CDH18: variants seen among roughly 807,000 people sequenced by gnomAD.
CDH18 encodes the protein cadherin 18, also known as cadherin-18.
CDH18 carries 31 observed loss-of-function variants against 67.9 expected under a neutral mutation model. The observed-to-expected ratio is 0.46, with a 90% CI of 0.34 to 0.62. The LOEUF is 0.62. Ranked by LOEUF, CDH18 falls within the 20% of genes least tolerant of loss-of-function variation. CDH18 has a pLI of 0.01. For synonymous variants in CDH18, 362 were observed against 347.2 expected, an observed-to-expected ratio of 1.04 and a Z score of -0.48; for missense variants, 890 against 975.5, an observed-to-expected ratio of 0.91 and a Z score of 1.17.
chr5:20,098,440 C>T (rs1026728750), intron 2 of CDH18, among the ~76,000 whole-genome samples: 1 of 152,020 alleles, frequency 6.6e-6, no homozygotes, highest in Non-Finnish European at 1.5e-5. Context: ...AGAAATTGTT[C>T]ATCTTATTAC....
chr5:19,623,631 T>C (rs1326777960), intron 5 of CDH18, among the ~76,000 whole-genome samples: 1 of 152,012 alleles, frequency 6.6e-6, no homozygotes, highest in East Asian at 1.9e-4. Flanking sequence ...GTTCAAAAGA[T>C]GAGATGCTTT....
intron 6 of CDH18, among the ~76,000 whole-genome samples, chr5:19,604,439 C>T (rs1747689748): frequency 6.6e-6 from 1 of 151,648 alleles, no homozygotes; most frequent in African/African-American, 2.4e-5. Flanking sequence ...GCCTGTCTTT[C>T]CTGATAAAAT....
At chr5:19,658,333 T>C (rs1756689310) in intron 5 of CDH18, among the ~76,000 whole-genome samples, 2 of 152,166 alleles carry the variant, frequency 1.3e-5, no homozygotes, top group Admixed American at 6.6e-5. Context: ...AATGATGACT[T>C]ACTGCAACAT....
intron 12 of CDH18, among the ~76,000 whole-genome samples, chr5:19,479,817 G>T (rs549381740): frequency 6.6e-6 from 1 of 152,112 alleles, no homozygotes; most frequent in Non-Finnish European, 1.5e-5. Context: ...CAGCATATTT[G>T]AGTTTCAACT....
chr5:20,570,069 A>G (rs1455545746), intron 1 of CDH18, among the ~76,000 whole-genome samples: 1 of 152,186 alleles, frequency 6.6e-6, no homozygotes, highest in Non-Finnish European at 1.5e-5. Context: ...TTGAATGGCA[A>G]TGAAAATGTT....
chr5:20,432,098 C>A (rs1297252855), intron 1 of CDH18, among the ~76,000 whole-genome samples: 1 of 152,020 alleles, frequency 6.6e-6, no homozygotes, highest in Non-Finnish European at 1.5e-5. Context: ...GATCAAAAAT[C>A]TCTGTGACAA....
chr5:20,015,245 TTTA>T (rs1737781385), intron 2 of CDH18, among the ~76,000 whole-genome samples: 1 of 152,058 alleles, frequency 6.6e-6, no homozygotes, highest in African/African-American at 2.4e-5. Context: ...AGGTCCCACG[TTTA>T]TTAAAAGTGT....
chr5:20,199,868 C>T (rs930511690), intron 2 of CDH18, among the ~76,000 whole-genome samples: 1 of 152,130 alleles, frequency 6.6e-6, no homozygotes, highest in African/African-American at 2.4e-5. Context: ...TGGCATTTCC[C>T]CTGCTGGCAT....
rs138549751 is a variant in CDH18, at chr5:20,308,308, C to G, written c.-579-52803G>C. On this transcript the variant is annotated intron_variant, in intron 1 of 14. Transcript: ENST00000507958. ...CTGTAATCCCAGCACTTTGGGAGGC[C>G]GAGGTGGGTAGATTGCCTGAGCTCA... Among the ~76,000 whole-genome samples the G allele has an allele frequency of 2.6e-5, 4 of 151,786 alleles. No individual in the cohort carries two copies. The East Asian group carries it at 7.8e-4, about 29-fold the overall frequency.
intron 9 of CDH18, among the ~76,000 whole-genome samples, chr5:19,534,588 A>T (rs568059294): frequency 6.6e-6 from 1 of 152,194 alleles, no homozygotes; most frequent in Non-Finnish European, 1.5e-5. Flanking sequence ...ACATGAGCCA[A>T]TAAATCTCTT....
chr5:20,029,282 C>A (rs900299064), intron 2 of CDH18, among the ~76,000 whole-genome samples: 2 of 151,998 alleles, frequency 1.3e-5, no homozygotes, highest in African/African-American at 4.8e-5. Context: ...AGAGATTCTT[C>A]GTGGTCAGAA....
At chr5:19,756,323 A>G (rs1042075991) in intron 3 of CDH18, among the ~76,000 whole-genome samples, 2 of 152,250 alleles carry the variant, frequency 1.3e-5, no homozygotes, top group African/African-American at 2.4e-5. Context: ...ACTCATGACA[A>G]TTACAGTCCC....
intron 1 of CDH18, among the ~76,000 whole-genome samples, chr5:20,509,408 T>TTC (rs1754877908): frequency 2.7e-5 from 1 of 36,458 alleles, no homozygotes; most frequent in African/African-American, 8.5e-5. Context: ...AGGATTTCCC[T>TTC]TTTTTTTTTT....
chr5:20,444,751 C>T (rs1218127291), intron 1 of CDH18, among the ~76,000 whole-genome samples: 1 of 150,974 alleles, frequency 6.6e-6, no homozygotes, highest in East Asian at 1.9e-4. Flanking sequence ...CATCTGAATC[C>T]TATGTAATGT....
rs149766732 is a variant in CDH18, at chr5:20,343,433, T to A, written c.-579-87928A>T. 7.3e-3 allele frequency among the ~76,000 whole-genome samples: 1,114 copies of A among 152,282 alleles called. 11 individuals are homozygous for A. The highest frequency in any genetic ancestry group is 0.025 in the African/African-American group (1,050 of 41,558). On this transcript the variant is annotated intron_variant, in intron 1 of 14. Coordinates refer to the CDH18 transcript ENST00000507958. The stretch of plus-strand genomic sequence containing the variant: ...AATCCCTTGAATGAAGGGAATGCCA[T>A]GTCCCCCTGAGGAAGGACCCCATTA...
rs540697457 is a variant in CDH18 at position 20,132,727 on chromosome 5, G to T, written c.-518+122717C>A. On this transcript the variant is annotated intron_variant, in intron 2 of 14. Transcript: ENST00000507958. ...TAGCACTAAGTAGCCTCAAGTGTAG[G>T]TCATTCCAGAATATTCCAAATTCCT... is the stretch of plus-strand genomic sequence containing the variant. Among the ~76,000 whole-genome samples the T allele has an allele frequency of 3.9e-5, 6 of 151,940 alleles. No individual in the cohort carries two copies. In the East Asian group the frequency reaches 1.2e-3, roughly 30 times the overall value.
At position 20,565,804 on chromosome 5, in the gene CDH18, T is replaced by C. The variant is rs148960438; in HGVS notation, c.-580+9658A>G. Among the ~76,000 whole-genome samples the C allele has an allele frequency of 7.6e-3, 1,145 of 151,618 alleles. 23 individuals carry two copies. The highest frequency in any genetic ancestry group is 0.038 in the Admixed American group (575 of 15,206). On this transcript the variant is annotated intron_variant, in intron 1 of 14. Transcript: ENST00000507958. ...CATTTTAACCTTCTAGGTAGGTCAC[T>C]GTTGAACACACTTTTCTGTCAACTA...
intron 1 of CDH18, among the ~76,000 whole-genome samples, chr5:20,429,484 G>T (rs1484408584): frequency 6.6e-6 from 1 of 152,084 alleles, no homozygotes; most frequent in Non-Finnish European, 1.5e-5. Flanking sequence ...TCATATAAAT[G>T]ATAAACTCCT....
chr5:19,640,761 G>A (rs1056217995), intron 5 of CDH18, among the ~76,000 whole-genome samples: 1 of 151,862 alleles, frequency 6.6e-6, no homozygotes, highest in African/African-American at 2.4e-5. Context: ...CAAATAAACA[G>A]TATAACATTA....
Sources: gnomAD v4.1 joint callset for allele counts (sites outside exome capture counted in the v4.1 genomes callset) on GRCh38, gnomAD v4.1.1 for gene constraint, MANE v1.5 for transcripts, NCBI Gene and HGNC (gene_info 2026-07-23, HGNC 2026-07-21) for gene names.